PEAK1: variants seen among roughly 807,000 people sequenced by gnomAD.
PEAK1 encodes the protein inactive tyrosine-protein kinase PEAK1.
In PEAK1, 54 loss-of-function variants were observed where a neutral mutation model predicts 124.7. That is an observed-to-expected ratio of 0.43 (90% CI 0.35 to 0.54). The LOEUF (loss-of-function observed/expected upper bound fraction) is 0.54. Ranked by LOEUF, PEAK1 falls within the 20% of genes least tolerant of loss-of-function variation. The probability of loss-of-function intolerance (pLI) is 0.01; values close to 1 mark genes in which losing one functional copy is unlikely to be tolerated. For missense variants in PEAK1, 2,046 were observed against 2,134.5 expected (o/e 0.96, Z 0.82); for synonymous variants, 719 against 760.0 (o/e 0.95, Z 0.89).
chr15:77,333,535 A>AT lies in PEAK1; in HGVS notation c.-603+31627dup, dbSNP rs1392220028. On this transcript the variant is annotated intron_variant, in intron 2 of 9. Coordinates refer to ENST00000682557, the MANE Select transcript of PEAK1 (RefSeq NM_001385026.1). ...TAATTTCTCCACTACTTGATTATAT[A>AT]TTTACACACACACATTTCCTTATGT... 3.5e-6 allele frequency: 3 copies of AT among 861,244 alleles called. No individual in the cohort carries two copies. The African/African-American group carries it at 5.5e-5, about 16-fold the overall frequency. 53.4% of individuals were successfully genotyped at this position (861,244 alleles called of 1,614,324 possible).
At chr15:77,116,717 T>A (rs891446317) in intron 9 of PEAK1, among the ~76,000 whole-genome samples, 2 of 150,134 alleles carry the variant, frequency 1.3e-5, no homozygotes, top group African/African-American at 4.9e-5. Context: ...TCTATCTATC[T>A]ATCTATCTAT....
chr15:77,356,184 G>A (rs2067506860), intron 2 of PEAK1, among the ~76,000 whole-genome samples: 1 of 152,178 alleles, frequency 6.6e-6, no homozygotes, highest in Non-Finnish European at 1.5e-5. Flanking sequence ...TTTTACAGCA[G>A]AGTAGCTACA....
chr15:77,366,399 GA>G (rs2068241877), intron 1 of PEAK1, among the ~76,000 whole-genome samples: 1 of 152,244 alleles, frequency 6.6e-6, no homozygotes, highest in East Asian at 1.9e-4. Context: ...TTATGCAACT[GA>G]GATTTTTAGG....
chr15:77,172,706 C>T (rs2056593355), intron 7 of PEAK1, among the ~76,000 whole-genome samples: 1 of 152,152 alleles, frequency 6.6e-6, no homozygotes, highest in Non-Finnish European at 1.5e-5. Context: ...TTTAATTACG[C>T]AGAATTTTTA....
chr15:77,268,060 A>C (rs1299215867), intron 5 of PEAK1, among the ~76,000 whole-genome samples: 4 of 152,246 alleles, frequency 2.6e-5, no homozygotes, highest in Non-Finnish European at 5.9e-5. Flanking sequence ...AGAGAATTGC[A>C]AAATGCAATG....
rs147828403 is a variant in PEAK1 at position 77,361,952 on chromosome 15, C to T, written c.-603+3211G>A. On this transcript the variant is annotated intron_variant, in intron 2 of 9. Transcript: ENST00000682557. The stretch of plus-strand genomic sequence containing the variant: ...TGCAGCAACATGGATGAGACTGGGA[C>T]GTTATGCTAAGTAAAATAAGCCAGA... Among the ~76,000 whole-genome samples the T allele has an allele frequency of 9.2e-5, 14 of 151,668 alleles. No individual in the cohort carries two copies. In the East Asian group the frequency reaches 1.9e-3, roughly 21 times the overall value.
intron 6 of PEAK1, among the ~76,000 whole-genome samples, chr15:77,193,669 T>C (rs2057959663): frequency 6.6e-6 from 1 of 152,240 alleles, no homozygotes; most frequent in Admixed American, 6.5e-5. Context: ...CTGTGCACAG[T>C]GGTGCGCGCT....
chr15:77,112,576 G>A lies in PEAK1; in HGVS notation c.*1580C>T, dbSNP rs1004206979. 2.6e-5 allele frequency: 4 copies of A among 152,234 alleles called. No homozygotes were observed. The highest frequency in any genetic ancestry group is 6.5e-5 in the Admixed American group (1 of 15,290). The allele number at this position is 152,234 out of a possible 1,614,324, so 9.4% of individuals were successfully genotyped here. A position where few individuals can be genotyped will look rare whatever the true frequency, so the allele number is the denominator to read the frequency against. On this transcript the variant is annotated 3_prime_UTR_variant, in exon 10 of 10. Coordinates refer to ENST00000682557, the MANE Select transcript of PEAK1 (RefSeq NM_001385026.1). ...ACACAAGTGTACACACACATTGTTC[G>A]AGTGACTCTTGGGATTTCAAGGTCA...
chr15:77,372,021 G>C (rs1376001144), intron 1 of PEAK1, among the ~76,000 whole-genome samples: 8 of 152,142 alleles, frequency 5.3e-5, no homozygotes, highest in Admixed American at 5.2e-4. Flanking sequence ...TGTTTTCTCT[G>C]CTCTCCATGA....
chr15:77,373,840 T>C (rs766950174), intron 1 of PEAK1, among the ~76,000 whole-genome samples: 6 of 152,198 alleles, frequency 3.9e-5, no homozygotes, highest in Non-Finnish European at 7.3e-5. Flanking sequence ...GGTCTATCAA[T>C]GGCCCAGGGT....
intron 2 of PEAK1, among the ~76,000 whole-genome samples, chr15:77,320,949 G>C (rs1262285846): frequency 1.3e-5 from 2 of 152,116 alleles, no homozygotes; most frequent in Non-Finnish European, 2.9e-5. Context: ...TGAGAATGAT[G>C]GTTTCCAGCT....
Position 77,114,817 on chromosome 15 carries a change from T to C in PEAK1, c.4580A>G (p.Tyr1527Cys), listed in dbSNP as rs2051212045. ...GCCTTGGGCAGTCCCCCCAGGCTGG[T>C]AGTGGACAAGTAGCAGGTTCTCTAG... ...LRLENLLLVH[Y>C]QPGGTAQGFG... is the part of the protein sequence containing the mutation. Residue 1527 changes from tyrosine to cysteine, a missense_variant, in exon 10 of 10, where the codon TAC becomes TGC. Tyr to Cys is a radical substitution (Grantham distance 194, BLOSUM62 -2). Coordinates refer to ENST00000682557, the MANE Select transcript of PEAK1 (RefSeq NM_001385026.1). 3 of 1,613,158 alleles carry C rather than the reference T, an allele frequency of 1.9e-6. No individual in the cohort carries two copies. The highest frequency in any genetic ancestry group is 1.7e-6 in the Non-Finnish European group (2 of 1,179,934).
intron 1 of PEAK1, among the ~76,000 whole-genome samples, chr15:77,392,288 G>T (rs2070531837): frequency 6.6e-6 from 1 of 152,164 alleles, no homozygotes; most frequent in African/African-American, 2.4e-5. Flanking sequence ...TGAATGGTGT[G>T]GCCAAAGTTA....
At chr15:77,322,017 T>A (rs1244272380) in intron 2 of PEAK1, among the ~76,000 whole-genome samples, 1 of 152,114 alleles carries the variant, frequency 6.6e-6, no homozygotes, top group East Asian at 1.9e-4. Flanking sequence ...AACAACCTGC[T>A]CCTGAATGAC....
At chr15:77,166,800 G>C (rs777986409) in intron 7 of PEAK1, among the ~76,000 whole-genome samples, 17 of 151,962 alleles carry the variant, frequency 1.1e-4, no homozygotes, top group Non-Finnish European at 1.6e-4. Context: ...CTGGTAAGCA[G>C]AGCTCAAGTA....
intron 5 of PEAK1, among the ~76,000 whole-genome samples, chr15:77,276,030 A>T (rs950352189): frequency 4.6e-5 from 7 of 152,162 alleles, no homozygotes; most frequent in African/African-American, 1.7e-4. Flanking sequence ...TACTAAAAAT[A>T]AAACAATAGA....
intron 2 of PEAK1, among the ~76,000 whole-genome samples, chr15:77,338,818 A>T (rs191198430): frequency 6.6e-6 from 1 of 152,082 alleles, no homozygotes; most frequent in East Asian, 1.9e-4. Flanking sequence ...TATCTAAGCT[A>T]ATGTAAGAAA....
At chr15:77,332,146 A>T (rs1439126795) in intron 2 of PEAK1, 4 of 921,888 alleles carry the variant, frequency 4.3e-6, no homozygotes, top group South Asian at 1.0e-4. Context: ...AAATAAATTT[A>T]AAAATAAGTT....
Position 77,286,485 on chromosome 15 carries a change from G to A in PEAK1, c.-583C>T. On this transcript the variant is annotated 5_prime_UTR_variant, in exon 3 of 10. Transcript: ENST00000682557. ...TGCTTCCTTTTCTTTCCTTACAAAT[G>A]GATCTCAAGTATTCTTTTCCTATTA... 1.6e-6 allele frequency: 2 copies of A among 1,228,736 alleles called. No individual in the cohort carries two copies. Among genetic ancestry groups the A allele is most frequent in the Non-Finnish European group, 2.0e-6 (2 of 985,514 alleles). 76.1% of individuals were successfully genotyped at this position (1,228,736 alleles called of 1,614,324 possible).
Sources: gnomAD v4.1 joint callset for allele counts (sites outside exome capture counted in the v4.1 genomes callset) on GRCh38, gnomAD v4.1.1 for gene constraint, MANE v1.5 for transcripts, NCBI Gene and HGNC (gene_info 2026-07-23, HGNC 2026-07-21) for gene names.